Variants in NDUFAF6 observed in about 807,000 individuals in gnomAD.
NDUFAF6 encodes the protein NADH dehydrogenase (ubiquinone) complex I, assembly factor 6.
A neutral mutation model predicts 40.8 loss-of-function variants in NDUFAF6; 45 were observed. That is an observed-to-expected ratio of 1.10 (90% CI 0.87 to 1.42). The LOEUF (loss-of-function observed/expected upper bound fraction) is 1.42, where lower values mean the gene tolerates loss of function less well. Among genes scored for constraint, NDUFAF6 ranks in the 40% most tolerant of loss-of-function variants. NDUFAF6 has a pLI of 0.00. For missense variants in NDUFAF6, 435 were observed against 418.5 expected, an observed-to-expected ratio of 1.04 and a Z score of -0.34; for synonymous variants, 185 against 155.9, an observed-to-expected ratio of 1.19 and a Z score of -1.39.
At position 94,927,922 on chromosome 8, in the gene NDUFAF6, AGC is replaced by A; in HGVS notation, c.-935-17560_-935-17559del. 1.3e-5 allele frequency: 2 copies of A among 151,898 alleles called. 1 individual carries two copies. The highest frequency in any genetic ancestry group is 2.9e-5 in the Non-Finnish European group (2 of 67,828). The allele number at this position is 151,898 out of a possible 1,614,324, so 9.4% of individuals were successfully genotyped here. A position where few individuals can be genotyped will look rare whatever the true frequency, so the allele number is the denominator to read the frequency against. ...TAATATTTACAATAGCAAAAAAAAA[AGC>A]TCATAAAATGCATTTTGGCCATGTT... On this transcript the variant is annotated intron_variant, in intron 1 of 14. Transcript: ENST00000396113.
chr8:95,041,754 C>A, intron 4 of NDUFAF6, 128 bp downstream of exon 4: 1 of 794,422 alleles, frequency 1.3e-6, no homozygotes, highest in Non-Finnish European at 2.2e-6. Context: ...AGAATTATGC[C>A]ATTTTATTCA....
intron 2 of NDUFAF6, among the ~76,000 whole-genome samples, chr8:94,994,888 G>C (rs1173859471): frequency 6.6e-6 from 1 of 152,166 alleles, no homozygotes; most frequent in Non-Finnish European, 1.5e-5. Context: ...CCCTTATTCT[G>C]TGTAAAACGA....
rs143041077 is a variant in NDUFAF6, at chr8:95,053,275, G to A, written c.873+1045G>A. Among the ~76,000 whole-genome samples the A allele has an allele frequency of 6.9e-3, 1,054 of 152,266 alleles. 10 individuals are homozygous for A. The highest frequency in any genetic ancestry group is 0.019 in the African/African-American group (790 of 41,544). On this transcript the variant is annotated intron_variant, in intron 8 of 8. Coordinates refer to ENST00000396124, the MANE Select transcript of NDUFAF6 (RefSeq NM_152416.4). ...AAATCAGAGTTCTCACAATTCTACCGTATCTAGAGATAATGTCTGTTCATC... is the reference window on the plus strand; with the variant it reads ...AAATCAGAGTTCTCACAATTCTACCATATCTAGAGATAATGTCTGTTCATC...
intron 1 of NDUFAF6, among the ~76,000 whole-genome samples, chr8:94,915,625 A>C (rs1050119843): frequency 1.2e-4 from 18 of 152,166 alleles, no homozygotes; most frequent in African/African-American, 4.3e-4. Flanking sequence ...TTCTGTTTTT[A>C]CTTCTTTGAA....
At chr8:94,978,375 C>G (rs1825143224) in intron 1 of NDUFAF6, among the ~76,000 whole-genome samples, 1 of 152,176 alleles carries the variant, frequency 6.6e-6, no homozygotes, top group Non-Finnish European at 1.5e-5. Flanking sequence ...CTATGTACCT[C>G]TTCATCTGGC....
At chr8:94,942,370 C>T (rs1821625687) in intron 1 of NDUFAF6, among the ~76,000 whole-genome samples, 1 of 152,030 alleles carries the variant, frequency 6.6e-6, no homozygotes, top group African/African-American at 2.4e-5. Context: ...CACCCCTCAT[C>T]CCAACCACCA....
intron 5 of NDUFAF6, among the ~76,000 whole-genome samples, chr8:95,046,037 T>TTTTATTTTATTTTATTTTATTTTA (rs1476287602): frequency 6.9e-6 from 1 of 144,940 alleles, no homozygotes; most frequent in Admixed American, 6.7e-5. Flanking sequence ...AACACATTTA[T>TTTTATTTTATTTTATTTTATTTTA]TTTATTTTAT....
chr8:95,047,158 T>G, intron 6 of NDUFAF6, 31 bp downstream of exon 6: 1 of 1,614,028 alleles, frequency 6.2e-7, no homozygotes, highest in Non-Finnish European at 8.5e-7. Flanking sequence ...TTTGAATAAT[T>G]TACCTCAGGA....
At chr8:95,014,930 C>T (rs1827376313) in intron 2 of NDUFAF6, among the ~76,000 whole-genome samples, 1 of 152,210 alleles carries the variant, frequency 6.6e-6, no homozygotes, top group African/African-American at 2.4e-5. Flanking sequence ...AATGTTCTCT[C>T]TTCTCTACCA....
At chr8:94,899,262 C>T (rs1295315763) in intron 1 of NDUFAF6, among the ~76,000 whole-genome samples, 2 of 152,184 alleles carry the variant, frequency 1.3e-5, no homozygotes, top group Admixed American at 1.3e-4. Flanking sequence ...TAAACAAATA[C>T]ATTTTACTGT....
intron 2 of NDUFAF6, among the ~76,000 whole-genome samples, chr8:95,034,356 C>A (rs1208054266): frequency 6.6e-6 from 1 of 152,142 alleles, no homozygotes; most frequent in Non-Finnish European, 1.5e-5. Flanking sequence ...AACATTGATG[C>A]AGTACTTTTA....
intron 8 of NDUFAF6, among the ~76,000 whole-genome samples, chr8:95,056,632 T>C (rs10956935): frequency 0.03 from 4,609 of 151,630 alleles, 240 homozygotes; most frequent in African/African-American, 0.1. Context: ...AATGGCCGGG[T>C]GCGGTGGCTC....
chr8:95,107,940 T>A (rs1485689014), downstream of NDUFAF6, among the ~76,000 whole-genome samples: 1 of 152,178 alleles, frequency 6.6e-6, no homozygotes, highest in Non-Finnish European at 1.5e-5. Context: ...CTGGGCCACA[T>A]GAGTTTGGTT....
chr8:94,986,511 A>ACATAAAGAG (rs1825910313), intron 2 of NDUFAF6, among the ~76,000 whole-genome samples: 1 of 152,240 alleles, frequency 6.6e-6, no homozygotes, highest in African/African-American at 2.4e-5. Flanking sequence ...ATCATTTTAA[A>ACATAAAGAG]CATAAAGAGA....
intron 1 of NDUFAF6, chr8:94,930,155 C>T (rs1037245238): frequency 3.2e-5 from 8 of 251,780 alleles, no homozygotes; most frequent in South Asian, 1.6e-4. Flanking sequence ...TGCCTATTCT[C>T]GTACTTGGGA....
At chr8:94,924,222 C>A (rs920292897) in intron 1 of NDUFAF6, among the ~76,000 whole-genome samples, 1 of 151,980 alleles carries the variant, frequency 6.6e-6, no homozygotes, top group African/African-American at 2.4e-5. Context: ...CCACCACGCC[C>A]GTCTAATTTT....
At chr8:95,068,526 A>G (rs1238640280) in intron 9 of NDUFAF6, 5 of 151,836 alleles carry the variant, frequency 3.3e-5, no homozygotes, top group South Asian at 2.1e-4. Context: ...ATTTTCCCCA[A>G]ATCACACAGC....
intron 1 of NDUFAF6, among the ~76,000 whole-genome samples, chr8:94,917,830 ATTC>A (rs1422610102): frequency 1.3e-5 from 2 of 152,220 alleles, no homozygotes; most frequent in African/African-American, 4.8e-5. Flanking sequence ...ACAAGTGATA[ATTC>A]TTAAGTTTAT....
At chr8:94,920,209 G>T (rs779227780) in intron 1 of NDUFAF6, among the ~76,000 whole-genome samples, 1 of 152,008 alleles carries the variant, frequency 6.6e-6, no homozygotes. Flanking sequence ...GATATAACTC[G>T]GTGTCTTGGA....
Sources: allele counts gnomAD v4.1 joint callset (sites outside exome capture counted in the v4.1 genomes callset), GRCh38; gene constraint gnomAD v4.1.1; transcripts MANE v1.5; gene names NCBI Gene and HGNC (gene_info 2026-07-23, HGNC 2026-07-21).